Variants in PPP1R9A observed in about 807,000 individuals in gnomAD.
PPP1R9A encodes neurabin-1.
Under a neutral mutation model 141.9 loss-of-function variants are expected in PPP1R9A, and 59 were observed. That is an observed-to-expected ratio of 0.42 (90% CI 0.34 to 0.52). The LOEUF is 0.52. Among genes scored for constraint, PPP1R9A ranks in the 20% least tolerant of loss-of-function variants. The pLI is 0.10. For missense variants in PPP1R9A, 1,444 were observed against 1,611.9 expected (o/e 0.90, Z 1.78); for synonymous variants, 500 against 569.7 (o/e 0.88, Z 1.74).
intron 2 of PPP1R9A, among the ~76,000 whole-genome samples, chr7:95,053,352 G>C (rs1372597694): frequency 1.5e-4 from 23 of 152,204 alleles, no homozygotes; most frequent in Admixed American, 1.5e-3. Flanking sequence ...AGGGAATAGA[G>C]TGAATGTGGA....
chr7:95,252,238 A>C (rs191792807), intron 12 of PPP1R9A, 108 bp downstream of exon 12: 7 of 1,217,656 alleles, frequency 5.7e-6, no homozygotes, highest in Non-Finnish European at 7.6e-6. Context: ...CCTTCCTACT[A>C]TGGGAAAGAA....
chr7:94,987,391 G>C (rs1800984318), intron 2 of PPP1R9A, among the ~76,000 whole-genome samples: 1 of 152,148 alleles, frequency 6.6e-6, no homozygotes, highest in Admixed American at 6.6e-5. Context: ...TAACTATATA[G>C]ATAAAGTAAT....
At chr7:95,178,940 T>G (rs537383314) in intron 5 of PPP1R9A, among the ~76,000 whole-genome samples, 2 of 152,046 alleles carry the variant, frequency 1.3e-5, no homozygotes, top group Non-Finnish European at 2.9e-5. Context: ...CAGAATTCTA[T>G]CAGACATTCA....
intron 2 of PPP1R9A, among the ~76,000 whole-genome samples, chr7:94,984,330 G>A (rs965153518): frequency 2.0e-5 from 3 of 152,004 alleles, no homozygotes; most frequent in African/African-American, 7.2e-5. Flanking sequence ...TGGTATCAGG[G>A]TGATGTTTGC....
intron 2 of PPP1R9A, among the ~76,000 whole-genome samples, chr7:94,996,149 A>G (rs1237785760): frequency 6.6e-6 from 1 of 152,148 alleles, no homozygotes; most frequent in Non-Finnish European, 1.5e-5. Context: ...CTTGACCTCT[A>G]ACTTATGCTA....
At position 95,250,036 on chromosome 7, in the gene PPP1R9A, C is replaced by A. The variant is rs1393678924; in HGVS notation, c.2177C>A (p.Ala726Glu). The A allele has an allele frequency of 1.2e-6, 2 of 1,602,274 alleles. No individual in the cohort carries two copies. Among genetic ancestry groups the A allele is most frequent in the Non-Finnish European group, 1.7e-6 (2 of 1,175,794 alleles). Reference sequence around the variant, plus strand: ...GTTTGCTTTCTCCAGCTGCAGGCAGCAGAAAATGAGAAAGTGAGGTGGGAA... The same window carrying A: ...GTTTGCTTTCTCCAGCTGCAGGCAGAAGAAAATGAGAAAGTGAGGTGGGAA... Reference protein sequence around the residue: ...IQKLKTKLQAAENEKVRWELE... With the variant: ...IQKLKTKLQAEENEKVRWELE... The change falls in exon 10 of 20, where the codon GCA (alanine) becomes GAA (glutamate). Residue 726 changes from alanine to glutamate, a missense_variant. Around this residue, in one of 5 missense-constraint regions of PPP1R9A, gnomAD observed 488 missense variants for 542.0 expected, o/e 0.90. Coordinates refer to ENST00000433360, the MANE Select transcript of PPP1R9A (RefSeq NM_001166160.2).
intron 2 of PPP1R9A, among the ~76,000 whole-genome samples, chr7:94,943,009 G>A (rs1022292194): frequency 2.0e-5 from 3 of 151,906 alleles, no homozygotes; most frequent in African/African-American, 7.3e-5. Flanking sequence ...ATGATTCTGG[G>A]TGAGCTAAAA....
intron 4 of PPP1R9A, among the ~76,000 whole-genome samples, chr7:95,132,056 C>T (rs1824741647): frequency 6.6e-6 from 1 of 152,080 alleles, no homozygotes; most frequent in Non-Finnish European, 1.5e-5. Flanking sequence ...TTAAAACTTT[C>T]CTGAAGTTGT....
intron 16 of PPP1R9A, among the ~76,000 whole-genome samples, chr7:95,277,860 G>C (rs543340176): frequency 1.3e-5 from 2 of 152,214 alleles, no homozygotes; most frequent in African/African-American, 2.4e-5. Context: ...GGAGTAAGTA[G>C]CCACTGATGT....
intron 2 of PPP1R9A, among the ~76,000 whole-genome samples, chr7:95,048,213 G>C (rs953090484): frequency 1.3e-5 from 2 of 152,012 alleles, no homozygotes; most frequent in Non-Finnish European, 1.5e-5. Context: ...CTCCTTAATA[G>C]TTAGCATCTA....
intron 2 of PPP1R9A, among the ~76,000 whole-genome samples, chr7:94,921,188 T>C (rs1792755649): frequency 6.6e-6 from 1 of 152,180 alleles, no homozygotes; most frequent in Admixed American, 6.5e-5. Flanking sequence ...GGCTCACGCC[T>C]GTAATTCCAA....
intron 2 of PPP1R9A, among the ~76,000 whole-genome samples, chr7:95,058,208 A>G (rs1811752425): frequency 6.6e-6 from 1 of 152,210 alleles, no homozygotes; most frequent in Non-Finnish European, 1.5e-5. Flanking sequence ...TTGAATTTAT[A>G]AGTAAAAAAT....
At chr7:95,180,028 C>CTAAAATTCA (rs1250988942) in intron 5 of PPP1R9A, among the ~76,000 whole-genome samples, 1 of 151,908 alleles carries the variant, frequency 6.6e-6, no homozygotes, top group East Asian at 1.9e-4. Flanking sequence ...AAAAACAATT[C>CTAAAATTCA]TAAAATTCAT....
At chr7:94,986,171 T>C (rs1250447139) in intron 2 of PPP1R9A, among the ~76,000 whole-genome samples, 2 of 152,220 alleles carry the variant, frequency 1.3e-5, no homozygotes, top group African/African-American at 4.8e-5. Flanking sequence ...ATTTTCTTTT[T>C]AGTTAAACTT....
chr7:94,919,542 A>G (rs777529981), intron 2 of PPP1R9A, among the ~76,000 whole-genome samples: 1 of 152,068 alleles, frequency 6.6e-6, no homozygotes, highest in Non-Finnish European at 1.5e-5. Context: ...TCCTTTTCTA[A>G]TAATCTGATG....
rs576979766 is a variant in PPP1R9A at position 95,011,556 on chromosome 7, T to C, written c.1396-99703T>C. Among the ~76,000 whole-genome samples, 142 of 152,344 alleles carry C rather than the reference T, an allele frequency of 9.3e-4. No individual in the cohort carries two copies. The Middle Eastern group carries it at 0.01, about 11-fold the overall frequency. ...TCTGATTTCTTAATATTTTTCACTT[T>C]CTTCAGTTAAAATTTATTAATCACA... On this transcript the variant is annotated intron_variant, in intron 2 of 19. Transcript: ENST00000433360.
intron 5 of PPP1R9A, among the ~76,000 whole-genome samples, chr7:95,165,059 A>G (rs918102734): frequency 3.9e-5 from 6 of 152,064 alleles, no homozygotes; most frequent in African/African-American, 1.4e-4. Context: ...TCAAATATCA[A>G]TTCTTCAATG....
At chr7:95,075,365 A>T (rs1814679210) in intron 2 of PPP1R9A, among the ~76,000 whole-genome samples, 1 of 152,174 alleles carries the variant, frequency 6.6e-6, no homozygotes, top group African/African-American at 2.4e-5. Context: ...AAAAAAAGTC[A>T]TCTTCTGCCC....
intron 4 of PPP1R9A, among the ~76,000 whole-genome samples, chr7:95,144,017 GTCTAC>G (rs1473080144): frequency 5.9e-5 from 9 of 151,868 alleles, no homozygotes; most frequent in Admixed American, 5.9e-4. Flanking sequence ...AACATTTAAG[GTCTAC>G]TCTACTAGTG....
Sources: gnomAD v4.1 joint callset for allele counts (sites outside exome capture counted in the v4.1 genomes callset) on GRCh38, gnomAD v4.1.1 for gene constraint, gnomAD v4.1.1 regional missense constraint, MANE v1.5 for transcripts, NCBI Gene and HGNC (gene_info 2026-07-23, HGNC 2026-07-21) for gene names.